ALCAM: variants seen among roughly 807,000 people sequenced by gnomAD.
The protein encoded by ALCAM is CD166 antigen.
ALCAM carries 30 observed loss-of-function variants against 70.9 expected under a neutral mutation model. The observed-to-expected ratio is 0.42, with a 90% confidence interval of 0.32 to 0.57. ALCAM has a LOEUF of 0.57. Ranked by LOEUF, ALCAM falls within the 20% of genes least tolerant of loss-of-function variation. The pLI, the probability that ALCAM is intolerant of heterozygous loss-of-function variation, is 0.11. For synonymous variants in ALCAM, 249 were observed against 242.5 expected, an observed-to-expected ratio of 1.03 and a Z score of -0.25; for missense variants, 591 against 695.1, an observed-to-expected ratio of 0.85 and a Z score of 1.68.
At chr3:105,562,036 A>T (rs1940640154) in intron 14 of ALCAM, among the ~76,000 whole-genome samples, 1 of 152,144 alleles carries the variant, frequency 6.6e-6, no homozygotes, top group Admixed American at 6.5e-5. Context: ...GGCTGATATC[A>T]CATAGCTCAA....
rs550016343 is a variant in ALCAM, at chr3:105,485,262, T to C, written c.74-34805T>C. Reference sequence around the variant, plus strand: ...ACTGCTCCTGCTCAAAAAAATGCCCTTGTTTTTCTCTGAGTACAGCATTGA... The same window carrying C: ...ACTGCTCCTGCTCAAAAAAATGCCCCTGTTTTTCTCTGAGTACAGCATTGA... On this transcript the variant is annotated intron_variant, in intron 1 of 15. Transcript: ENST00000306107. Among the ~76,000 whole-genome samples the C allele has an allele frequency of 1.9e-4, 29 of 152,146 alleles. 1 individual carries two copies. The highest frequency in any genetic ancestry group is 5.3e-4 in the African/African-American group (22 of 41,564).
chr3:105,548,986 A>G (rs1940320084), intron 11 of ALCAM, among the ~76,000 whole-genome samples: 1 of 151,576 alleles, frequency 6.6e-6, no homozygotes, highest in South Asian at 2.1e-4. Context: ...ATGAAAAGAT[A>G]TGAAGATTTA....
chr3:105,515,344 T>G (rs1576214278), intron 1 of ALCAM, among the ~76,000 whole-genome samples: 5 of 152,216 alleles, frequency 3.3e-5, no homozygotes, highest in Non-Finnish European at 7.4e-5. Context: ...TGTTTCTGTG[T>G]GGCAAACAAA....
chr3:105,459,989 G>A (rs1375577676), intron 1 of ALCAM, among the ~76,000 whole-genome samples: 1 of 151,932 alleles, frequency 6.6e-6, no homozygotes, highest in African/African-American at 2.4e-5. Flanking sequence ...TGACAAAAAA[G>A]TATAGAAAAA....
At chr3:105,530,175 T>G (rs1272027136) in intron 3 of ALCAM, among the ~76,000 whole-genome samples, 1 of 152,126 alleles carries the variant, frequency 6.6e-6, no homozygotes, top group Non-Finnish European at 1.5e-5. Context: ...AACTTTGACT[T>G]ACTTACACCC....
intron 1 of ALCAM, among the ~76,000 whole-genome samples, chr3:105,515,323 G>A (rs542738770): frequency 6.6e-6 from 1 of 152,140 alleles, no homozygotes; most frequent in Admixed American, 6.6e-5. Context: ...ATCCCTCATT[G>A]TGATTTAATA....
chr3:105,373,961 T>G (rs1289408767), intron 1 of ALCAM, among the ~76,000 whole-genome samples: 2 of 151,888 alleles, frequency 1.3e-5, no homozygotes, highest in African/African-American at 2.4e-5. Flanking sequence ...AAGAACAGAG[T>G]GGGACAGGCT....
intron 1 of ALCAM, among the ~76,000 whole-genome samples, chr3:105,419,249 A>G (rs756526343): frequency 1.4e-4 from 22 of 151,936 alleles, no homozygotes; most frequent in Non-Finnish European, 3.1e-4. Flanking sequence ...GAATTTAAAG[A>G]ATAATTCTGG....
At chr3:105,459,476 A>G (rs1191416328) in intron 1 of ALCAM, among the ~76,000 whole-genome samples, 4 of 151,950 alleles carry the variant, frequency 2.6e-5, no homozygotes, top group African/African-American at 7.2e-5. Context: ...GTTAATGTCT[A>G]CTGAAGAAAT....
chr3:105,367,563 C>A, intron 1 of ALCAM, 82 bp downstream of exon 1: 1 of 1,518,842 alleles, frequency 6.6e-7, no homozygotes, highest in South Asian at 1.1e-5. Context: ...CTCGCACCCC[C>A]GAGGCAGTGC....
chr3:105,450,895 A>T (rs1183992398), intron 1 of ALCAM, among the ~76,000 whole-genome samples: 1 of 152,186 alleles, frequency 6.6e-6, no homozygotes, highest in Non-Finnish European at 1.5e-5. Context: ...GAGAAAAAAA[A>T]TACTATTTAA....
At chr3:105,457,771 G>T (rs1297718949) in intron 1 of ALCAM, among the ~76,000 whole-genome samples, 2 of 152,146 alleles carry the variant, frequency 1.3e-5, no homozygotes. Flanking sequence ...CAAAGGTGCA[G>T]AAGAATCAGA....
At chr3:105,531,182 TAAGAATAAA>T (rs1207620808) in intron 3 of ALCAM, 2 of 152,076 alleles carry the variant, frequency 1.3e-5, no homozygotes, top group African/African-American at 2.4e-5. Context: ...AAATAGCAGC[TAAGAATAAA>T]ATAACTTAAA....
chr3:105,409,937 A>G (rs1372442084), intron 1 of ALCAM, among the ~76,000 whole-genome samples: 1 of 152,034 alleles, frequency 6.6e-6, no homozygotes, highest in East Asian at 1.9e-4. Flanking sequence ...TCCATTATCA[A>G]CATGCTCCAT....
chr3:105,485,175 C>A (rs964988858), intron 1 of ALCAM, among the ~76,000 whole-genome samples: 1 of 152,018 alleles, frequency 6.6e-6, no homozygotes, highest in African/African-American at 2.4e-5. Context: ...ATCCTTAATG[C>A]ATCATGAAAA....
intron 14 of ALCAM, among the ~76,000 whole-genome samples, chr3:105,562,953 G>A (rs1381360490): frequency 6.6e-6 from 1 of 152,020 alleles, no homozygotes; most frequent in Non-Finnish European, 1.5e-5. Flanking sequence ...TTACAGGCAT[G>A]CGCCACCACG....
intron 14 of ALCAM, chr3:105,553,080 A>G (rs917103238): frequency 2.0e-6 from 2 of 987,008 alleles, no homozygotes; most frequent in Admixed American, 5.9e-5. Flanking sequence ...AAGAGTCTAT[A>G]TCAGAGAAAA....
At chr3:105,455,993 C>T (rs1025874909) in intron 1 of ALCAM, among the ~76,000 whole-genome samples, 2 of 152,104 alleles carry the variant, frequency 1.3e-5, no homozygotes, top group Admixed American at 1.3e-4. Flanking sequence ...GCATGAGAAT[C>T]GCTCGAGCCT....
chr3:105,416,634 C>T (rs2107406314), intron 1 of ALCAM, among the ~76,000 whole-genome samples: 1 of 152,010 alleles, frequency 6.6e-6, no homozygotes, highest in Non-Finnish European at 1.5e-5. Context: ...ATGTTACCAC[C>T]ATTCGACCAA....
Sources: gnomAD v4.1 joint callset for allele counts (sites outside exome capture counted in the v4.1 genomes callset) on GRCh38, gnomAD v4.1.1 for gene constraint, MANE v1.5 for transcripts, NCBI Gene and HGNC (gene_info 2026-07-23, HGNC 2026-07-21) for gene names.